IRGM: variants seen among roughly 807,000 people sequenced by gnomAD.
IRGM encodes immunity related GTPase M.
For missense variants in IRGM, 288 were observed against 219.9 expected, an observed-to-expected ratio of 1.31 and a Z score of -1.96; for synonymous variants, 98 against 80.6, an observed-to-expected ratio of 1.22 and a Z score of -1.16.
downstream of IRGM, among the ~76,000 whole-genome samples, chr5:150,851,287 T>G (rs141705449): frequency 6.6e-6 from 1 of 152,126 alleles, no homozygotes; most frequent in Admixed American, 6.5e-5. Context: ...CAGAGAATGC[T>G]GTAGGGTGTT....
At chr5:150,861,505 T>A (rs1464445939) in intron 1 of IRGM, among the ~76,000 whole-genome samples, 3 of 152,202 alleles carry the variant, frequency 2.0e-5, no homozygotes, top group African/African-American at 4.8e-5. Flanking sequence ...GAGGGAGTTG[T>A]TCATTAGTAT....
downstream of IRGM, among the ~76,000 whole-genome samples, chr5:150,849,606 T>TCTC (rs543447707): frequency 0.017 from 2,113 of 121,432 alleles, 26 homozygotes; most frequent in African/African-American, 0.065. Flanking sequence ...TTTTTCTCTC[T>TCTC]TTTTTTTTTT....
In IRGM at chr5:150,858,024, G is replaced by A. The variant is rs1234387744; in HGVS notation, c.158+9370G>A. Among the ~76,000 whole-genome samples, 10 of 152,244 alleles carry A rather than the reference G, an allele frequency of 6.6e-5. No individual in the cohort carries two copies. In the East Asian group the frequency reaches 1.9e-3, roughly 29 times the overall value. ...CCATGCCTATGTCCTGAATGGTATT[G>A]CCTAGGTTTTCTTCTAGGGTTTTTA... On this transcript the variant is annotated intron_variant and NMD_transcript_variant, in intron 1 of 3. Coordinates refer to the IRGM transcript ENST00000520549.
chr5:150,892,305 AT>A (rs35564298), intron 3 of IRGM, among the ~76,000 whole-genome samples: 31,710 of 151,904 alleles, frequency 0.21, 5,343 homozygotes, highest in African/African-American at 0.45. Context: ...GGTGTGGAAG[AT>A]TAACTGTGTT....
chr5:150,868,272 A>C (rs182252717), intron 1 of IRGM, among the ~76,000 whole-genome samples: 9 of 152,264 alleles, frequency 5.9e-5, no homozygotes, highest in Admixed American at 2.6e-4. Context: ...GTTGAAGATC[A>C]GTTTGCTGTA....
intron 3 of IRGM, among the ~76,000 whole-genome samples, chr5:150,890,433 A>G (rs932417772): frequency 3.3e-5 from 4 of 119,558 alleles, no homozygotes; most frequent in African/African-American, 1.2e-4. Flanking sequence ...CTATCTTCTC[A>G]AACAGTCAGC....
chr5:150,867,586 C>T (rs900103145), intron 1 of IRGM, among the ~76,000 whole-genome samples: 1 of 152,022 alleles, frequency 6.6e-6, no homozygotes, highest in African/African-American at 2.4e-5. Flanking sequence ...TACTAGTTTA[C>T]ATTCTTACCA....
intron 1 of IRGM, among the ~76,000 whole-genome samples, chr5:150,854,448 T>C (rs7715276): frequency 5.6e-4 from 86 of 152,282 alleles, no homozygotes; most frequent in African/African-American, 2.1e-3. Context: ...ATTGTCATTT[T>C]ATTTCAACTT....
chr5:150,890,362 C>T (rs1754590055), intron 3 of IRGM, among the ~76,000 whole-genome samples: 1 of 151,648 alleles, frequency 6.6e-6, no homozygotes. Context: ...GTAGTAATGT[C>T]ACTTCTCTCA....
At chr5:150,854,694 A>G (rs143091844) in intron 1 of IRGM, among the ~76,000 whole-genome samples, 1 of 152,154 alleles carries the variant, frequency 6.6e-6, no homozygotes, top group Admixed American at 6.5e-5. Context: ...TCTTATTGAG[A>G]ATAGCTTGTA....
At chr5:150,886,887 T>G (rs185325710) in intron 3 of IRGM, among the ~76,000 whole-genome samples, 11 of 152,180 alleles carry the variant, frequency 7.2e-5, no homozygotes, top group Admixed American at 4.6e-4. Context: ...ATGATTTTTT[T>G]TGTGTCTTGA....
chr5:150,899,195 G>A (rs1010969550), intron 3 of IRGM, among the ~76,000 whole-genome samples: 30 of 152,026 alleles, frequency 2.0e-4, no homozygotes, highest in African/African-American at 7.2e-4. Context: ...AGAACTATGA[G>A]ACTAAATTTC....
intron 3 of IRGM, among the ~76,000 whole-genome samples, chr5:150,891,550 ACT>A (rs1754610402): frequency 6.6e-6 from 1 of 151,924 alleles, no homozygotes; most frequent in Non-Finnish European, 1.5e-5. Flanking sequence ...TTAAGCTATA[ACT>A]CTGTTTTGTT....
chr5:150,898,000 G>T, intron 3 of IRGM: 1 of 1,563,598 alleles, frequency 6.4e-7, no homozygotes, highest in Middle Eastern at 1.7e-4. Flanking sequence ...TTTTGATAAG[G>T]ATAGAAACAT....
intron 1 of IRGM, among the ~76,000 whole-genome samples, chr5:150,859,077 T>A (rs941698148): frequency 6.6e-6 from 1 of 152,218 alleles, no homozygotes; most frequent in South Asian, 2.1e-4. Flanking sequence ...CATAGGTAGC[T>A]GTTATTATTT....
downstream of IRGM, among the ~76,000 whole-genome samples, chr5:150,849,185 G>A (rs138654036): frequency 5.7e-3 from 871 of 152,290 alleles, 9 homozygotes; most frequent in African/African-American, 0.02. Flanking sequence ...ACACAACTGA[G>A]ATCTACAACA....
At chr5:150,859,812 C>T (rs890176645) in intron 1 of IRGM, among the ~76,000 whole-genome samples, 1 of 152,028 alleles carries the variant, frequency 6.6e-6, no homozygotes, top group Non-Finnish European at 1.5e-5. Context: ...TTTGATTCTT[C>T]TCTCTTTTCT....
downstream of IRGM, among the ~76,000 whole-genome samples, chr5:150,853,097 C>T (rs1182335832): frequency 2.0e-5 from 3 of 151,760 alleles, no homozygotes; most frequent in Non-Finnish European, 4.4e-5. Context: ...TATAATTTTC[C>T]CTCTTCATAC....
downstream of IRGM, among the ~76,000 whole-genome samples, chr5:150,848,885 G>T (rs1048557744): frequency 6.6e-6 from 1 of 151,954 alleles, no homozygotes; most frequent in Non-Finnish European, 1.5e-5. Flanking sequence ...TTCCCTTCAC[G>T]GAACTCTCCA....
Sources: allele counts gnomAD v4.1 joint callset (sites outside exome capture counted in the v4.1 genomes callset), GRCh38; gene constraint gnomAD v4.1.1; transcripts MANE v1.5; gene names NCBI Gene and HGNC (gene_info 2026-07-23, HGNC 2026-07-21).